The following ZFHX3 variants were observed in gnomAD, a reference collection of about 807,000 sequenced individuals.
ZFHX3 encodes zinc finger homeobox protein 3.
In ZFHX3, 42 loss-of-function variants were observed where a neutral mutation model predicts 279.1. The ratio of observed to expected loss-of-function variants is 0.15; its 90% CI spans 0.12 to 0.19. ZFHX3 has a LOEUF of 0.19. ZFHX3 is among the 10% of genes least tolerant of loss of function. ZFHX3 has a pLI of 1.00. For synonymous variants in ZFHX3, 2,293 were observed against 1,957.8 expected, an observed-to-expected ratio of 1.17 and a Z score of -4.52; for missense variants, 4,981 against 4,754.0, an observed-to-expected ratio of 1.05 and a Z score of -1.40.
intron 4 of ZFHX3, among the ~76,000 whole-genome samples, chr16:72,874,114 T>C (rs888443870): frequency 6.6e-6 from 1 of 151,908 alleles, no homozygotes; most frequent in Non-Finnish European, 1.5e-5. Flanking sequence ...TGGAGGAAAC[T>C]TTTAAACAGG....
intron 2 of ZFHX3, among the ~76,000 whole-genome samples, chr16:73,614,293 T>A (rs773331749): frequency 2.6e-5 from 4 of 152,188 alleles, no homozygotes; most frequent in Admixed American, 6.5e-5. Context: ...CAAATAAAAT[T>A]CAGGAGTTTG....
chr16:73,601,594 A>T (rs2052119081), intron 2 of ZFHX3, among the ~76,000 whole-genome samples: 1 of 152,184 alleles, frequency 6.6e-6, no homozygotes, highest in South Asian at 2.1e-4. Context: ...TGTACATCCT[A>T]CATAGTAATC....
chr16:73,269,967 C>T (rs1221614888), intron 4 of ZFHX3, among the ~76,000 whole-genome samples: 6 of 152,000 alleles, frequency 3.9e-5, no homozygotes, highest in South Asian at 4.1e-4. Context: ...AGGGTGGTCT[C>T]GAACTCCTGA....
chr16:72,882,860 A>C (rs2038516470), intron 4 of ZFHX3, among the ~76,000 whole-genome samples: 1 of 152,254 alleles, frequency 6.6e-6, no homozygotes, highest in South Asian at 2.1e-4. Context: ...ACTTAGAAGC[A>C]ATAGCGTCTC....
chr16:73,472,468 A>G (rs1476156864), intron 2 of ZFHX3, among the ~76,000 whole-genome samples: 1 of 152,130 alleles, frequency 6.6e-6, no homozygotes, highest in Non-Finnish European at 1.5e-5. Context: ...GCTCCACCAC[A>G]TTGGAAGAGA....
intron 4 of ZFHX3, among the ~76,000 whole-genome samples, chr16:73,283,236 C>G (rs1161389749): frequency 6.6e-6 from 1 of 152,204 alleles, no homozygotes; most frequent in Non-Finnish European, 1.5e-5. Flanking sequence ...CGATGTTATT[C>G]TCATCCTCGT....
chr16:73,118,034 A>G (rs1966452284), intron 7 of ZFHX3, among the ~76,000 whole-genome samples: 1 of 152,122 alleles, frequency 6.6e-6, no homozygotes, highest in African/African-American at 2.4e-5. Context: ...CACCCCCAAA[A>G]TCACACCAGA....
intron 5 of ZFHX3, among the ~76,000 whole-genome samples, chr16:73,147,782 A>C (rs1276094377): frequency 6.6e-6 from 1 of 151,376 alleles, no homozygotes; most frequent in Admixed American, 6.6e-5. Flanking sequence ...AGGTGGGCAA[A>C]CCACTTAAGC....
intron 2 of ZFHX3, among the ~76,000 whole-genome samples, chr16:73,468,577 A>G (rs1020862530): frequency 3.3e-5 from 5 of 152,138 alleles, no homozygotes; most frequent in Non-Finnish European, 5.9e-5. Flanking sequence ...CCCTCCTAAA[A>G]ATACAAAATA....
At chr16:73,680,020 A>T (rs1367939862) in intron 2 of ZFHX3, 36 of 152,232 alleles carry the variant, frequency 2.4e-4, no homozygotes, top group Non-Finnish European at 1.0e-4. Flanking sequence ...AAAGCCATTA[A>T]CGCGTAAGTT....
At chr16:73,802,662 A>G (rs1209825196) in intron 1 of ZFHX3, among the ~76,000 whole-genome samples, 1 of 152,222 alleles carries the variant, frequency 6.6e-6, no homozygotes, top group African/African-American at 2.4e-5. Flanking sequence ...CTAGAAATGG[A>G]CACTGCTCTG....
chr16:73,819,133 C>A (rs74028500), intron 1 of ZFHX3, among the ~76,000 whole-genome samples: 2,139 of 151,978 alleles, frequency 0.014, 52 homozygotes, highest in African/African-American at 0.049. Context: ...TTACCAATGG[C>A]ATAGCAATGT....
At chr16:73,731,537 G>A (rs1004848433) in intron 1 of ZFHX3, among the ~76,000 whole-genome samples, 14 of 151,068 alleles carry the variant, frequency 9.3e-5, no homozygotes. Flanking sequence ...TATTGTGATC[G>A]GAACAAAAAA....
At chr16:72,927,688 C>T (rs1959531794) in intron 3 of ZFHX3, among the ~76,000 whole-genome samples, 1 of 151,998 alleles carries the variant, frequency 6.6e-6, no homozygotes, top group Non-Finnish European at 1.5e-5. Context: ...CGGAGCCGCC[C>T]GGGGGAGCTG....
chr16:73,621,476 G>T (rs191560113), intron 2 of ZFHX3, among the ~76,000 whole-genome samples: 39 of 152,262 alleles, frequency 2.6e-4, no homozygotes, highest in Admixed American at 2.5e-3. Context: ...ATGGATTTAG[G>T]TCAGTTGAAA....
chr16:73,373,145 G>T (rs780269606), intron 3 of ZFHX3, among the ~76,000 whole-genome samples: 8 of 66,852 alleles, frequency 1.2e-4, no homozygotes, highest in African/African-American at 2.3e-4. Context: ...GGAGGTTTGG[G>T]GGGGGGGTGG....
chr16:73,472,987 C>G (rs998476433), intron 2 of ZFHX3, among the ~76,000 whole-genome samples: 97 of 143,040 alleles, frequency 6.8e-4, no homozygotes, highest in Admixed American at 6.3e-4. Context: ...AGTGTGCTGT[C>G]TTTTTTTTTT....
At chr16:73,156,248 A>G (rs867979929) in intron 5 of ZFHX3, among the ~76,000 whole-genome samples, 124 of 151,718 alleles carry the variant, frequency 8.2e-4, no homozygotes, top group African/African-American at 2.9e-3. Flanking sequence ...AAAAAAAAAA[A>G]AAAGACTATA....
chr16:73,617,203 T>C (rs4243126), intron 2 of ZFHX3, among the ~76,000 whole-genome samples: 147,357 of 152,348 alleles, frequency 0.97, 71,307 homozygotes, highest in East Asian at 1. Context: ...GCCCTATCAT[T>C]AGCTGTAATT....
Sources: allele counts gnomAD v4.1 joint callset (sites outside exome capture counted in the v4.1 genomes callset), GRCh38; gene constraint gnomAD v4.1.1; transcripts MANE v1.5; gene names NCBI Gene and HGNC (gene_info 2026-07-23, HGNC 2026-07-21).